Variants in PPHLN1 observed in about 807,000 individuals in gnomAD.
PPHLN1 encodes the protein periphilin-1.
A neutral mutation model predicts 51.3 loss-of-function variants in PPHLN1; 29 were observed. The observed-to-expected ratio is 0.57, with a 90% CI of 0.42 to 0.77. The LOEUF (loss-of-function observed/expected upper bound fraction) is 0.77, where lower values mean the gene tolerates loss of function less well. PPHLN1 is among the 30% of genes least tolerant of loss of function. The pLI is 0.00. For synonymous variants in PPHLN1, 147 were observed against 147.8 expected (o/e 0.99, Z 0.04); for missense variants, 436 against 438.4 (o/e 0.99, Z 0.05).
At chr12:42,353,047 C>T (rs1371427450) in intron 3 of PPHLN1, among the ~76,000 whole-genome samples, 3 of 151,878 alleles carry the variant, frequency 2.0e-5, no homozygotes, top group Non-Finnish European at 4.4e-5. Flanking sequence ...CGAGATCGCG[C>T]CACTGCACTC....
intron 9 of PPHLN1, among the ~76,000 whole-genome samples, chr12:42,425,532 G>A (rs534496698): frequency 7.3e-5 from 11 of 151,644 alleles, no homozygotes; most frequent in Admixed American, 3.9e-4. Context: ...GATTACAGGC[G>A]CATGCCACCA....
At chr12:42,398,728 T>C in intron 8 of PPHLN1, 126 bp from the exon 9 acceptor site, 1 of 777,218 alleles carries the variant, frequency 1.3e-6, no homozygotes, top group Non-Finnish European at 1.9e-6. Context: ...GGAGAGAGTT[T>C]TCTTTTCTTA....
intron 9 of PPHLN1, among the ~76,000 whole-genome samples, chr12:42,428,928 G>A (rs1031192890): frequency 1.7e-4 from 25 of 150,420 alleles, no homozygotes; most frequent in African/African-American, 5.9e-4. Context: ...TGGATGTTTT[G>A]GACATGACTT....
chr12:42,444,230 T>C (rs1030888593), downstream of PPHLN1: 1 of 152,032 alleles, frequency 6.6e-6, no homozygotes, highest in Non-Finnish European at 1.5e-5. Flanking sequence ...AATTAAATAC[T>C]AGCAACTAAC....
At chr12:42,381,263 A>G (rs551594261) in intron 5 of PPHLN1, among the ~76,000 whole-genome samples, 7 of 152,368 alleles carry the variant, frequency 4.6e-5, no homozygotes, top group Middle Eastern at 3.4e-3. Flanking sequence ...GATTATAGCT[A>G]TAGCTTTTCT....
At chr12:42,351,505 T>C (rs1466559412) in intron 2 of PPHLN1, 1 of 155,214 alleles carries the variant, frequency 6.4e-6, no homozygotes, top group African/African-American at 2.4e-5. Flanking sequence ...AATAGTATAG[T>C]AGAACAAATA....
chr12:42,346,553 G>A (rs1358871341), intron 2 of PPHLN1, among the ~76,000 whole-genome samples: 1 of 152,192 alleles, frequency 6.6e-6, no homozygotes, highest in Non-Finnish European at 1.5e-5. Flanking sequence ...GAACATGGAA[G>A]TGTGAATATC....
chr12:42,411,643 G>A (rs144418247), intron 9 of PPHLN1, among the ~76,000 whole-genome samples: 512 of 152,208 alleles, frequency 3.4e-3, no homozygotes, highest in African/African-American at 0.011. Context: ...GGTGGCTCAT[G>A]CCTGTAATCC....
At chr12:42,347,280 T>A (rs2072492662) in intron 2 of PPHLN1, 1 of 152,232 alleles carries the variant, frequency 6.6e-6, no homozygotes, top group Non-Finnish European at 1.5e-5. Flanking sequence ...ATTTTTAAAT[T>A]GACTTTTTGC....
chr12:42,380,613 A>G (rs962783980), intron 5 of PPHLN1, among the ~76,000 whole-genome samples: 1 of 152,132 alleles, frequency 6.6e-6, no homozygotes, highest in African/African-American at 2.4e-5. Context: ...TTTTTTGATT[A>G]TAGCTGAAAT....
downstream of PPHLN1, chr12:42,445,686 G>T: frequency 3.6e-6 from 1 of 278,910 alleles, no homozygotes. Context: ...CAACCCCCAA[G>T]GACAGGCCGT....
chr12:42,398,287 G>A (rs2078458138), intron 8 of PPHLN1, among the ~76,000 whole-genome samples: 1 of 152,038 alleles, frequency 6.6e-6, no homozygotes, highest in South Asian at 2.1e-4. Flanking sequence ...TGAATTATTA[G>A]GCTACAGGAG....
chr12:42,404,348 G>A (rs2079097919), intron 9 of PPHLN1, among the ~76,000 whole-genome samples: 1 of 152,110 alleles, frequency 6.6e-6, no homozygotes, highest in Admixed American at 6.5e-5. Context: ...GGCCAACATA[G>A]TGAAACACCA....
chr12:42,339,188 G>A (rs781134875), intron 2 of PPHLN1, among the ~76,000 whole-genome samples: 3 of 152,208 alleles, frequency 2.0e-5, no homozygotes, highest in Non-Finnish European at 4.4e-5. Flanking sequence ...TCATGGAGGA[G>A]CCTAGATTGT....
At chr12:42,424,375 C>G (rs2081250731) in intron 9 of PPHLN1, among the ~76,000 whole-genome samples, 1 of 152,214 alleles carries the variant, frequency 6.6e-6, no homozygotes, top group Non-Finnish European at 1.5e-5. Flanking sequence ...TTATTTTCTT[C>G]CATAATTTCC....
intron 4 of PPHLN1, among the ~76,000 whole-genome samples, chr12:42,368,350 G>C (rs2075475925): frequency 6.6e-6 from 1 of 151,976 alleles, no homozygotes; most frequent in African/African-American, 2.4e-5. Flanking sequence ...TCCCCAAATT[G>C]TCTCAGTTAT....
chr12:42,338,175 C>T (rs2070974991), intron 2 of PPHLN1, among the ~76,000 whole-genome samples: 1 of 152,292 alleles, frequency 6.6e-6, no homozygotes, highest in African/African-American at 2.4e-5. Context: ...GATCTGTCCA[C>T]CTTGGCCTCT....
At chr12:42,428,158 G>A (rs549834037) in intron 9 of PPHLN1, among the ~76,000 whole-genome samples, 2 of 152,316 alleles carry the variant, frequency 1.3e-5, no homozygotes, top group East Asian at 1.9e-4. Flanking sequence ...TACACTGCAG[G>A]TGGGAATGTA....
At chr12:42,391,871 G>GT (rs1304222041) in intron 7 of PPHLN1, among the ~76,000 whole-genome samples, 1 of 152,074 alleles carries the variant, frequency 6.6e-6, no homozygotes, top group African/African-American at 2.4e-5. Flanking sequence ...CTAGCCAGTA[G>GT]TTTGATGAAT....
Sources: gnomAD v4.1 joint callset for allele counts (sites outside exome capture counted in the v4.1 genomes callset) on GRCh38, gnomAD v4.1.1 for gene constraint, MANE v1.5 for transcripts, NCBI Gene and HGNC (gene_info 2026-07-23, HGNC 2026-07-21) for gene names.